Variants in ACSM1 observed in about 807,000 individuals in gnomAD.
ACSM1 encodes the protein acyl-CoA synthetase medium chain family member 1.
In ACSM1, 79 loss-of-function variants were observed where a neutral mutation model predicts 75.8. The observed-to-expected ratio is 1.04, with a 90% CI of 0.87 to 1.26. ACSM1 has a LOEUF of 1.26. ACSM1 is among the 50% of genes most tolerant of loss of function. The pLI, the probability that ACSM1 is intolerant of heterozygous loss-of-function variation, is 0.00. For missense variants in ACSM1, 676 were observed against 720.1 expected (o/e 0.94, Z 0.70); for synonymous variants, 279 against 265.8 (o/e 1.05, Z -0.48).
intron 7 of ACSM1, among the ~76,000 whole-genome samples, chr16:20,657,155 T>C (rs1462944088): frequency 6.6e-6 from 1 of 152,196 alleles, no homozygotes; most frequent in Non-Finnish European, 1.5e-5. Context: ...ACAATGCTTA[T>C]ATTTTGAGTA....
At position 20,640,537 on chromosome 16, in the gene ACSM1, A is replaced by G; in HGVS notation, c.1040T>C (p.Val347Ala). The change falls in exon 8 of 14, where the codon GTG becomes GCG. Residue 347 changes from valine (V) to alanine (A), a missense_variant. Transcript: ENST00000520010. Reference sequence around the variant, plus strand: ...CCACTCCTCCTGATCCTTGGGCAACACGACCTCCCCGCCAGTATAGCAGTG... The same window carrying G: ...CCACTCCTCCTGATCCTTGGGCAACGCGACCTCCCCGCCAGTATAGCAGTG... ...LEHCYTGGEV[V>A]LPKDQEEWKR... 1 of 1,614,162 alleles carries G rather than the reference A, an allele frequency of 6.2e-7. No individual in the cohort carries two copies. Among genetic ancestry groups the G allele is most frequent in the South Asian group, 1.1e-5 (1 of 91,086 alleles).
At chr16:20,661,912 T>A in intron 6 of ACSM1, 39 bp from the exon 7 acceptor site, 1 of 1,454,394 alleles carries the variant, frequency 6.9e-7, no homozygotes, top group African/African-American at 1.4e-5. Context: ...TTTTTACAGT[T>A]AAGGTTAAAC....
Position 20,623,530 on chromosome 16 carries a change from T to A in ACSM1, c.1690A>T (p.Ile564Phe), listed in dbSNP as rs903808657. Residue 564 changes from isoleucine (I) to phenylalanine (F), a missense_variant, in exon 14 of 14, where the codon ATT becomes TTT. By Grantham distance (21) the Ile-to-Phe change is conservative. Coordinates refer to ENST00000520010, the MANE Select transcript of ACSM1 (RefSeq NM_001318890.3). ...TTTTTCCGAAGTTCCTTCCGTTCAA[T>A]CTTGCCAGTGATGGTTTTTGGCAGC... ...SELPKTITGK[I>F]ERKELRKKET... 6.2e-7 allele frequency: 1 copy of A among 1,614,062 alleles called. No individual in the cohort carries two copies. The highest frequency in any genetic ancestry group is 1.3e-5 in the African/African-American group (1 of 74,912).
intron 7 of ACSM1, among the ~76,000 whole-genome samples, chr16:20,652,182 AACT>A (rs1436832550): frequency 1.3e-5 from 2 of 152,170 alleles, no homozygotes; most frequent in Non-Finnish European, 2.9e-5. Flanking sequence ...AACCTAGGTA[AACT>A]ACTAAATTAA....
At chr16:20,643,030 A>G (rs2152221891) in intron 7 of ACSM1, among the ~76,000 whole-genome samples, 1 of 152,340 alleles carries the variant, frequency 6.6e-6, no homozygotes, top group African/African-American at 2.4e-5. Flanking sequence ...AGTTCTGCTC[A>G]TGGCCCCAGG....
Position 20,682,408 on chromosome 16 carries a change from T to G in ACSM1, c.459A>C (p.Arg153=). 1.2e-6 allele frequency: 2 copies of G among 1,613,950 alleles called. No homozygotes were observed. Among genetic ancestry groups the G allele is most frequent in the South Asian group, 1.1e-5 (1 of 91,076 alleles). The change falls in exon 4 of 14, where the codon CGA becomes CGC. Residue 153 remains arginine (R), a synonymous_variant. Transcript: ENST00000520010. ...TGCCCTTGGCTTTAGACAACTGTAG[T>G]CGATAGAGAATGTCTTTGGCCTTCA... ...ILLKAKDILY[R]LQLSKAKGIV...
At chr16:20,624,056 C>G in intron 13 of ACSM1, 40 bp downstream of exon 13, 1 of 1,605,608 alleles carries the variant, frequency 6.2e-7, no homozygotes. Context: ...GCAGGGAACG[C>G]TTCAGGGCCA....
chr16:20,631,588 T>G (rs2017349082), intron 10 of ACSM1, among the ~76,000 whole-genome samples: 1 of 152,234 alleles, frequency 6.6e-6, no homozygotes, highest in East Asian at 1.9e-4. Flanking sequence ...TAGCACAATT[T>G]GCAATTGCAA....
intron 10 of ACSM1, among the ~76,000 whole-genome samples, chr16:20,633,290 T>C (rs9926662): frequency 0.028 from 4,189 of 152,258 alleles, 197 homozygotes; most frequent in African/African-American, 0.095. Flanking sequence ...AAAAAAAATG[T>C]TAAAGCTAAT....
At chr16:20,677,161 CA>C (rs530757834) in intron 4 of ACSM1, among the ~76,000 whole-genome samples, 29 of 145,076 alleles carry the variant, frequency 2.0e-4, no homozygotes, top group Non-Finnish European at 3.9e-4. Context: ...GGCTAAGCCA[CA>C]AAGAGAAGGA....
At chr16:20,627,828 CT>C in intron 10 of ACSM1, among the ~76,000 whole-genome samples, 1 of 48,128 alleles carries the variant, frequency 2.1e-5, no homozygotes, top group Non-Finnish European at 3.3e-5. Context: ...GACTTCATCT[CT>C]CTCTCTCTCT....
chr16:20,654,180 T>G (rs1199507829), intron 7 of ACSM1, among the ~76,000 whole-genome samples: 4 of 152,078 alleles, frequency 2.6e-5, no homozygotes, highest in Non-Finnish European at 5.9e-5. Flanking sequence ...AATAAATGGC[T>G]CTGGGATAAC....
intron 7 of ACSM1, among the ~76,000 whole-genome samples, chr16:20,657,215 A>G (rs900492219): frequency 6.6e-5 from 10 of 152,310 alleles, no homozygotes; most frequent in African/African-American, 2.2e-4. Flanking sequence ...GTAACTCAAC[A>G]CATAAAAGTT....
At chr16:20,661,905 T>C (rs776994288) in intron 6 of ACSM1, 32 bp from the exon 7 acceptor site, 1 of 1,511,096 alleles carries the variant, frequency 6.6e-7, no homozygotes, top group Non-Finnish European at 9.2e-7. Context: ...AATTTTATTT[T>C]TACAGTTAAG....
intron 11 of ACSM1, among the ~76,000 whole-genome samples, chr16:20,626,367 A>T (rs1359434276): frequency 1.3e-5 from 2 of 151,936 alleles, no homozygotes; most frequent in African/African-American, 4.8e-5. Flanking sequence ...AAATAAAATA[A>T]AAAATAAAAT....
intron 4 of ACSM1, chr16:20,674,012 T>A: frequency 2.4e-6 from 1 of 414,758 alleles, no homozygotes; most frequent in South Asian, 1.7e-5. Context: ...AACAGTGACA[T>A]AAGTGAGGTT....
At chr16:20,630,572 A>C (rs2017284508) in intron 10 of ACSM1, among the ~76,000 whole-genome samples, 1 of 152,226 alleles carries the variant, frequency 6.6e-6, no homozygotes, top group African/African-American at 2.4e-5. Context: ...CTACAGCAAT[A>C]GTTGGAGAAT....
At chr16:20,662,589 A>C (rs1462751623) in intron 6 of ACSM1, among the ~76,000 whole-genome samples, 1 of 152,164 alleles carries the variant, frequency 6.6e-6, no homozygotes, top group Non-Finnish European at 1.5e-5. Flanking sequence ...GGGTATCTTA[A>C]TTTAAATCCT....
intron 4 of ACSM1, chr16:20,680,501 C>G (rs1208370010): frequency 6.6e-6 from 1 of 152,182 alleles, no homozygotes; most frequent in Non-Finnish European, 1.5e-5. Context: ...CCATGGGAGG[C>G]AAAGGAATTA....
Sources: allele counts gnomAD v4.1 joint callset (sites outside exome capture counted in the v4.1 genomes callset), GRCh38; gene constraint gnomAD v4.1.1; transcripts MANE v1.5; gene names NCBI Gene and HGNC (gene_info 2026-07-23, HGNC 2026-07-21).